RXFP1: variants seen among roughly 807,000 people sequenced by gnomAD.
The protein encoded by RXFP1 is relaxin receptor 1.
RXFP1 carries 73 observed loss-of-function variants against 89.8 expected under a neutral mutation model. The observed-to-expected ratio is 0.81, with a 90% CI of 0.67 to 0.99. RXFP1 has a LOEUF of 0.99. Among genes scored for constraint, RXFP1 ranks in the 50% least tolerant of loss-of-function variants. The pLI is 0.00. For synonymous variants in RXFP1, 277 were observed against 305.5 expected, an observed-to-expected ratio of 0.91 and a Z score of 0.97; for missense variants, 793 against 895.5, an observed-to-expected ratio of 0.89 and a Z score of 1.46.
At chr4:158,612,785 ATT>A (rs1476779898) in intron 8 of RXFP1, among the ~76,000 whole-genome samples, 14 of 151,994 alleles carry the variant, frequency 9.2e-5, no homozygotes, top group Non-Finnish European at 1.6e-4. Flanking sequence ...TAACTTTTGT[ATT>A]TTGAGTAGAG....
At position 158,646,617 on chromosome 4, in the gene RXFP1, G is replaced by A. The variant is rs1020700122; in HGVS notation, c.1346-174G>A. 82 of 1,408,544 alleles carry A rather than the reference G, an allele frequency of 5.8e-5. 1 individual carries two copies. The African/African-American group carries it at 1.0e-3, about 18-fold the overall frequency. The allele number at this position is 1,408,544 out of a possible 1,614,324, so 87.3% of individuals were successfully genotyped here. A position where few individuals can be genotyped will look rare whatever the true frequency, so the allele number is the denominator to read the frequency against. On this transcript the variant is annotated intron_variant, in intron 15 of 17. Transcript: ENST00000307765. ...TAACTTTGAGAGTGGTTACCAAAGA[G>A]AGTCTATGAATAGATCCTCATCTGT...
intron 1 of RXFP1, among the ~76,000 whole-genome samples, chr4:158,534,422 T>G (rs911580467): frequency 1.3e-4 from 20 of 152,112 alleles, no homozygotes; most frequent in African/African-American, 4.6e-4. Flanking sequence ...TAATTTTGTA[T>G]TTTTATTAGA....
intron 1 of RXFP1, among the ~76,000 whole-genome samples, chr4:158,536,825 G>A (rs928525310): frequency 2.6e-5 from 4 of 151,874 alleles, no homozygotes; most frequent in Non-Finnish European, 5.9e-5. Context: ...ATGCATATTT[G>A]GAAACTCATA....
At chr4:158,620,188 G>A (rs1765352853) in intron 9 of RXFP1, among the ~76,000 whole-genome samples, 1 of 152,156 alleles carries the variant, frequency 6.6e-6, no homozygotes, top group Admixed American at 6.5e-5. Context: ...TATTTCAACA[G>A]CCTTAGCAGC....
At chr4:158,642,890 T>G (rs1485977559) in intron 14 of RXFP1, among the ~76,000 whole-genome samples, 1 of 152,208 alleles carries the variant, frequency 6.6e-6, no homozygotes, top group Non-Finnish European at 1.5e-5. Context: ...GAGGGGCTCC[T>G]GAATAGGTCT....
chr4:158,609,027 G>A (rs1220084550), intron 6 of RXFP1, among the ~76,000 whole-genome samples: 1 of 152,170 alleles, frequency 6.6e-6, no homozygotes, highest in Non-Finnish European at 1.5e-5. Context: ...TTGTTTAACT[G>A]TTTATCTGTC....
In RXFP1 at chr4:158,647,108, A is replaced by T; in HGVS notation, c.1663A>T (p.Asn555Tyr). The T allele has an allele frequency of 3.1e-6, 5 of 1,614,118 alleles. No individual in the cohort carries two copies. The highest frequency in any genetic ancestry group is 4.2e-6 in the Non-Finnish European group (5 of 1,180,000). Residue 555 changes from asparagine to tyrosine, a missense_variant, in exon 16 of 18, where the codon AAC becomes TAC. Asn to Tyr is a moderately radical substitution (Grantham distance 143). Transcript: ENST00000307765. Reference protein sequence around the residue: ...IPLSNKEFFKNYYGTNGVCFP... With the variant: ...IPLSNKEFFKYYYGTNGVCFP... ...ATTGAGCAATAAGGAATTTTTCAAA[A>T]ACTACTATGGCACCAATGGAGTATG...
In RXFP1 at chr4:158,586,029, C is replaced by T. The variant is rs534080957; in HGVS notation, c.188-7372C>T. ...GTTGACTATGGCAAATCCCATAATG[C>T]AGTTCTTCCAAAACTTGCTTTAAGA... On this transcript the variant is annotated intron_variant, in intron 2 of 17. Coordinates refer to ENST00000307765, the MANE Select transcript of RXFP1 (RefSeq NM_021634.4). 4.6e-5 allele frequency among the ~76,000 whole-genome samples: 7 copies of T among 152,336 alleles called. No individual in the cohort carries two copies. In the South Asian group the frequency reaches 1.4e-3, roughly 32 times the overall value.
chr4:158,614,893 G>A (rs1178959403), intron 8 of RXFP1, among the ~76,000 whole-genome samples: 2 of 151,866 alleles, frequency 1.3e-5, no homozygotes, highest in African/African-American at 4.8e-5. Context: ...AGGTGAGGAG[G>A]TATGCGAGCA....
At chr4:158,562,543 AAAAAAAAAT>A in intron 1 of RXFP1, among the ~76,000 whole-genome samples, 1 of 148,830 alleles carries the variant, frequency 6.7e-6, no homozygotes, top group Non-Finnish European at 1.5e-5. Context: ...AAAAAAAAAA[AAAAAAAAAT>A]ACACATATTT....
intron 3 of RXFP1, 189 bp from the exon 4 acceptor site, chr4:158,599,137 C>G: frequency 1.3e-6 from 1 of 782,500 alleles, no homozygotes; most frequent in East Asian, 2.7e-5. Flanking sequence ...GCTCTACCAT[C>G]ATTTTAAGGT....
At chr4:158,550,253 T>G (rs1455610949) in intron 1 of RXFP1, among the ~76,000 whole-genome samples, 1 of 152,230 alleles carries the variant, frequency 6.6e-6, no homozygotes, top group African/African-American at 2.4e-5. Flanking sequence ...CTCCGAGCCA[T>G]GTGTGGGATA....
At position 158,542,105 on chromosome 4, in the gene RXFP1, A is replaced by AT. The variant is rs1239980342; in HGVS notation, c.49+20081dup. Among the ~76,000 whole-genome samples, 22 of 25,106 alleles carry AT rather than the reference A, an allele frequency of 8.8e-4. 1 individual carries two copies. The highest frequency in any genetic ancestry group is 9.4e-4 in the African/African-American group (10 of 10,644). 16.5% of individuals were successfully genotyped at this position (25,106 alleles called of 152,430 possible). A position where few individuals can be genotyped will look rare whatever the true frequency, so the allele number is the denominator to read the frequency against. The stretch of plus-strand genomic sequence containing the variant: ...TATATATATATATATATATATATAT[A>AT]TATATTTTTTTTTTAGTAGAGACAG... On this transcript the variant is annotated intron_variant, in intron 1 of 17. Coordinates refer to ENST00000307765, the MANE Select transcript of RXFP1 (RefSeq NM_021634.4).
chr4:158,612,641 C>T (rs1284601388), intron 8 of RXFP1, among the ~76,000 whole-genome samples: 3 of 147,790 alleles, frequency 2.0e-5, no homozygotes, highest in Admixed American at 2.0e-4. Flanking sequence ...CATGGAGTCT[C>T]ACTGTATCGC....
At chr4:158,616,966 T>C (rs993312107) in intron 8 of RXFP1, among the ~76,000 whole-genome samples, 165 bp from the exon 9 acceptor site, 6 of 146,610 alleles carry the variant, frequency 4.1e-5, no homozygotes, top group Middle Eastern at 7.2e-3. Flanking sequence ...GTCACACCAC[T>C]CCAGCCTGAG....
At chr4:158,540,173 T>C (rs1480117907) in intron 1 of RXFP1, among the ~76,000 whole-genome samples, 1 of 152,118 alleles carries the variant, frequency 6.6e-6, no homozygotes, top group Non-Finnish European at 1.5e-5. Flanking sequence ...AGCAAGTTTA[T>C]TAAGAAAGCA....
At chr4:158,542,388 G>A (rs1015642735) in intron 1 of RXFP1, among the ~76,000 whole-genome samples, 2 of 151,976 alleles carry the variant, frequency 1.3e-5, no homozygotes, top group Admixed American at 1.3e-4. Context: ...TTCAATTCAG[G>A]TGTGTCTGAT....
chr4:158,586,996 G>A (rs1758423096), intron 2 of RXFP1, among the ~76,000 whole-genome samples: 1 of 152,120 alleles, frequency 6.6e-6, no homozygotes, highest in African/African-American at 2.4e-5. Context: ...CAGCATCTAT[G>A]GCAGTCACCC....
At chr4:158,642,572 T>C (rs1178404916) in intron 14 of RXFP1, among the ~76,000 whole-genome samples, 4 of 152,228 alleles carry the variant, frequency 2.6e-5, no homozygotes, top group Admixed American at 2.0e-4. Context: ...TTCCACTTAA[T>C]GTAATGTCCT....
Sources: gnomAD v4.1 joint callset for allele counts (sites outside exome capture counted in the v4.1 genomes callset) on GRCh38, gnomAD v4.1.1 for gene constraint, MANE v1.5 for transcripts, NCBI Gene and HGNC (gene_info 2026-07-23, HGNC 2026-07-21) for gene names.